NYAP2: variants seen among roughly 807,000 people sequenced by gnomAD.
NYAP2 encodes the protein neuronal tyrosine-phosphorylated phosphoinositide-3-kinase adaptor 2, also known as neuronal tyrosine-phosphorylated phosphoinositide-3-kinase adapter 2.
NYAP2 carries 23 observed loss-of-function variants against 50.4 expected under a neutral mutation model. That is an observed-to-expected ratio of 0.46 (90% CI 0.33 to 0.65). NYAP2 has a LOEUF of 0.65. NYAP2 is among the 30% of genes least tolerant of loss of function. NYAP2 has a pLI of 0.02. For missense variants in NYAP2, 885 were observed against 861.0 expected, an observed-to-expected ratio of 1.03 and a Z score of -0.35; for synonymous variants, 394 against 365.2, an observed-to-expected ratio of 1.08 and a Z score of -0.90.
At chr2:225,494,146 A>C (rs146656807) in intron 3 of NYAP2, among the ~76,000 whole-genome samples, 138 of 152,366 alleles carry the variant, frequency 9.1e-4, no homozygotes, top group African/African-American at 3.0e-3. Flanking sequence ...AGAGCTCTTA[A>C]GAAGAAAAAT....
chr2:225,635,498 G>T (rs761002828), intron 6 of NYAP2, among the ~76,000 whole-genome samples: 2 of 152,096 alleles, frequency 1.3e-5, no homozygotes, highest in African/African-American at 4.8e-5. Flanking sequence ...CGTTTATTCC[G>T]TTCCCATTCA....
chr2:225,467,550 C>G (rs1390582534), intron 3 of NYAP2, among the ~76,000 whole-genome samples: 1 of 152,124 alleles, frequency 6.6e-6, no homozygotes, highest in African/African-American at 2.4e-5. Flanking sequence ...GCCCTTTTTC[C>G]TACCTGAAAT....
intron 3 of NYAP2, among the ~76,000 whole-genome samples, chr2:225,480,063 T>G (rs1690180113): frequency 6.6e-6 from 1 of 152,146 alleles, no homozygotes. Flanking sequence ...TATTACTTTC[T>G]AAGGAAATCC....
intron 5 of NYAP2, among the ~76,000 whole-genome samples, chr2:225,625,697 C>A (rs1693197045): frequency 6.6e-6 from 1 of 151,936 alleles, no homozygotes. Flanking sequence ...CAGGGAAAGA[C>A]AAAGCTAGAG....
chr2:225,488,035 A>C (rs1690335370), intron 3 of NYAP2, among the ~76,000 whole-genome samples: 1 of 152,216 alleles, frequency 6.6e-6, no homozygotes, highest in South Asian at 2.1e-4. Flanking sequence ...CAGCATTCAC[A>C]AAGTTCTCTT....
chr2:225,685,547 A>C, the NYAP2 span, among the ~76,000 whole-genome samples: 1 of 152,204 alleles, frequency 6.6e-6, no homozygotes, highest in Non-Finnish European at 1.5e-5. Flanking sequence ...TTAATCAATT[A>C]ATAGCTGCAA....
chr2:225,494,940 T>C (rs947186427), intron 3 of NYAP2, among the ~76,000 whole-genome samples: 3 of 152,204 alleles, frequency 2.0e-5, no homozygotes, highest in African/African-American at 7.2e-5. Flanking sequence ...CCCTAGTATA[T>C]GTAAAAACCA....
the NYAP2 span, among the ~76,000 whole-genome samples, chr2:225,694,217 TG>T: frequency 2.0e-5 from 3 of 152,034 alleles, no homozygotes; most frequent in African/African-American, 7.2e-5. Context: ...GTTTATTTAC[TG>T]GGCTTGGCTT....
At chr2:225,583,174 G>GAACTAACACATTT in intron 5 of NYAP2, 139 bp downstream of exon 5, 1 of 1,074,034 alleles carries the variant, frequency 9.3e-7, no homozygotes, top group Non-Finnish European at 1.3e-6. Context: ...CAAACAAAAT[G>GAACTAACACATTT]TGTTAGTTCA....
chr2:225,670,561 G>C, the NYAP2 span, among the ~76,000 whole-genome samples: 1 of 145,224 alleles, frequency 6.9e-6, no homozygotes, highest in Non-Finnish European at 1.5e-5. Context: ...GGGTGCTATT[G>C]CATTAGTTTA....
rs538600602 is a variant in NYAP2 at position 225,451,266 on chromosome 2, T to C, written c.221+42165T>C. On this transcript the variant is annotated intron_variant, in intron 3 of 6. Transcript: ENST00000636099. ...CTACCAGGATCAATTTGAAACTTTC[T>C]TCACCATCTGTTCATGTCCACTGTG... is the stretch of plus-strand genomic sequence containing the variant. 6.6e-5 allele frequency among the ~76,000 whole-genome samples: 10 copies of C among 152,308 alleles called. No individual in the cohort carries two copies. The East Asian group carries it at 1.9e-3, about 29-fold the overall frequency.
chr2:225,512,161 C>G (rs997084574), intron 3 of NYAP2, among the ~76,000 whole-genome samples: 17 of 152,104 alleles, frequency 1.1e-4, no homozygotes, highest in African/African-American at 3.9e-4. Context: ...GAGTCATTTC[C>G]TAAATAATTG....
In NYAP2 at chr2:225,582,670, C is replaced by T; in HGVS notation, c.1253C>T (p.Ser418Phe). 1 of 1,597,916 alleles carries T rather than the reference C, an allele frequency of 6.3e-7. No individual in the cohort carries two copies. Among genetic ancestry groups the T allele is most frequent in the South Asian group, 1.1e-5 (1 of 88,526 alleles). ...CTCTCCTCGTCGCCCCCACCCCCGT[C>T]TACGCTGTACCGAACCCAGTCTCCC... Residue 418 changes from serine (S) to phenylalanine (F), a missense_variant, in exon 5 of 7, where the codon TCT becomes TTT. By Grantham distance (155) the Ser-to-Phe change is radical. Transcript: ENST00000636099. This position sits in a 1 kb window ranked among gnomAD's most constrained non-coding sequence, Gnocchi z 7.0.
intron 4 of NYAP2, among the ~76,000 whole-genome samples, chr2:225,568,371 C>A (rs1692000168): frequency 6.6e-6 from 1 of 152,110 alleles, no homozygotes; most frequent in Non-Finnish European, 1.5e-5. Context: ...CCTTCACTGA[C>A]CACTCTCACC....
intron 5 of NYAP2, among the ~76,000 whole-genome samples, chr2:225,618,107 AC>A (rs765326549): frequency 4.5e-4 from 69 of 152,148 alleles, no homozygotes; most frequent in Non-Finnish European, 9.4e-4. Flanking sequence ...TTAATGTAAT[AC>A]CCTGTTTGCT....
the NYAP2 span, among the ~76,000 whole-genome samples, chr2:225,680,228 C>A: frequency 6.6e-6 from 1 of 152,164 alleles, no homozygotes; most frequent in Non-Finnish European, 1.5e-5. Flanking sequence ...AGAAGTCTCT[C>A]CCTTGCTAAG....
chr2:225,621,461 C>T (rs1161099319), intron 5 of NYAP2, among the ~76,000 whole-genome samples: 3 of 151,884 alleles, frequency 2.0e-5, no homozygotes, highest in Non-Finnish European at 2.9e-5. Flanking sequence ...GAGGGGTTGT[C>T]GGGGGCCAAA....
intron 3 of NYAP2, among the ~76,000 whole-genome samples, chr2:225,484,372 C>T (rs954209940): frequency 6.6e-6 from 1 of 152,202 alleles, no homozygotes; most frequent in Non-Finnish European, 1.5e-5. Flanking sequence ...ATATCTGCAG[C>T]TTCAGGCTAG....
At chr2:225,476,978 C>T (rs1276233913) in intron 3 of NYAP2, among the ~76,000 whole-genome samples, 2 of 151,884 alleles carry the variant, frequency 1.3e-5, no homozygotes, top group East Asian at 1.9e-4. Context: ...TTTTTGCTGA[C>T]CTGTATTAAC....
Sources: gnomAD v4.1 joint callset for allele counts (sites outside exome capture counted in the v4.1 genomes callset) on GRCh38, gnomAD v4.1.1 for gene constraint, Gnocchi (gnomAD v3.1) non-coding constraint, MANE v1.5 for transcripts, NCBI Gene and HGNC (gene_info 2026-07-23, HGNC 2026-07-21) for gene names.